The following AP3B2 variants were observed in gnomAD, a reference collection of about 807,000 sequenced individuals.
The protein encoded by AP3B2 is adaptor related protein complex 3 subunit beta 2.
A neutral mutation model predicts 126.9 loss-of-function variants in AP3B2; 50 were observed. The observed-to-expected ratio is 0.39, with a 90% CI of 0.31 to 0.50. The LOEUF (loss-of-function observed/expected upper bound fraction) is 0.50. AP3B2 is among the 20% of genes least tolerant of loss of function. AP3B2 has a pLI of 0.79. For missense variants in AP3B2, 1,177 were observed against 1,426.4 expected (o/e 0.83, Z 2.82); for synonymous variants, 541 against 565.0 (o/e 0.96, Z 0.60).
intron 1 of AP3B2, among the ~76,000 whole-genome samples, chr15:82,697,059 C>T (rs1292843666): frequency 1.3e-5 from 2 of 152,174 alleles, no homozygotes; most frequent in African/African-American, 4.8e-5. Context: ...AGGCCGGGCA[C>T]GGTGGCTCAC....
At chr15:82,701,179 C>A (rs2048715233) in intron 1 of AP3B2, among the ~76,000 whole-genome samples, 1 of 152,102 alleles carries the variant, frequency 6.6e-6, no homozygotes, top group Admixed American at 6.5e-5. Context: ...CATTTATACT[C>A]TCCTCTCCTC....
chr15:82,702,139 G>C (rs2048727835), intron 1 of AP3B2, among the ~76,000 whole-genome samples: 1 of 152,056 alleles, frequency 6.6e-6, no homozygotes, highest in African/African-American at 2.4e-5. Flanking sequence ...TCACTTCTGT[G>C]GCTTTAATTA....
chr15:82,670,123 G>GGGGGA (rs1311611420), intron 14 of AP3B2, among the ~76,000 whole-genome samples: 1 of 130,236 alleles, frequency 7.7e-6, no homozygotes, highest in Non-Finnish European at 1.7e-5. Context: ...GGCGGGGGGG[G>GGGGGA]ACGAAGATGA....
chr15:82,687,303 T>C (rs1050118875), intron 4 of AP3B2: 3 of 152,220 alleles, frequency 2.0e-5, no homozygotes, highest in African/African-American at 7.2e-5. Flanking sequence ...AAGGGCAAAA[T>C]TGAGTAGTTG....
At chr15:82,671,976 G>A (rs1251635122) in intron 14 of AP3B2, among the ~76,000 whole-genome samples, 4 of 149,926 alleles carry the variant, frequency 2.7e-5, no homozygotes, top group African/African-American at 7.4e-5. Context: ...CCTGGGAGGC[G>A]GAGGTTGCAG....
chr15:82,685,051 A>T (rs1439049021), intron 4 of AP3B2: 1 of 152,232 alleles, frequency 6.6e-6, no homozygotes, highest in Non-Finnish European at 1.5e-5. Flanking sequence ...AAGAGGCCCA[A>T]GGTGAAGGAG....
intron 1 of AP3B2, among the ~76,000 whole-genome samples, chr15:82,695,516 A>T (rs1176856239): frequency 2.0e-5 from 3 of 152,140 alleles, no homozygotes; most frequent in African/African-American, 7.2e-5. Flanking sequence ...ATAAAAACCC[A>T]AGAGGATAGG....
intron 14 of AP3B2, among the ~76,000 whole-genome samples, chr15:82,669,709 T>C (rs1324135630): frequency 1.4e-5 from 2 of 144,256 alleles, no homozygotes; most frequent in Non-Finnish European, 3.0e-5. Flanking sequence ...AAAAAATCAG[T>C]AGCATTGTCC....
intron 21 of AP3B2, 67 bp from the exon 22 acceptor site, chr15:82,663,300 G>T (rs116844531): frequency 7.8e-7 from 1 of 1,278,518 alleles, no homozygotes; most frequent in South Asian, 1.2e-5. Context: ...GGGAGCCTAG[G>T]GATCAAGGAG....
At position 82,709,626 on chromosome 15, in the gene AP3B2, C is replaced by G; in HGVS notation, c.81G>C (p.Ala27=). The change falls in exon 1 of 27, where the codon GCG becomes GCC. Residue 27 remains alanine (A), a synonymous_variant. Transcript: ENST00000535359. ...PGEPEYGHDP[A]SGGIFSSDYK... is the part of the protein sequence containing the mutation. ...AGTCGGAGGAGAAGATGCCGCCGCT[C>G]GCGGGGTCGTGGCCGTACTCGGGCT... is the stretch of plus-strand genomic sequence containing the variant. 6.6e-7 allele frequency: 1 copy of G among 1,516,170 alleles called. No individual in the cohort carries two copies. Among genetic ancestry groups the G allele is most frequent in the Non-Finnish European group, 8.8e-7 (1 of 1,134,496 alleles). 93.9% of individuals were successfully genotyped at this position (1,516,170 alleles called of 1,614,324 possible). A position where few individuals can be genotyped will look rare whatever the true frequency, so the allele number is the denominator to read the frequency against.
At chr15:82,685,749 T>A (rs182220788) in intron 4 of AP3B2, 10 of 152,340 alleles carry the variant, frequency 6.6e-5, no homozygotes, top group East Asian at 1.9e-4. Context: ...TTCAGTGATA[T>A]GTTTGTGGAA....
chr15:82,699,500 C>T (rs1430591852), intron 1 of AP3B2: 8 of 398,288 alleles, frequency 2.0e-5, no homozygotes, highest in Non-Finnish European at 8.8e-6. Context: ...CTCCGCCCAG[C>T]CTGGACCCTA....
chr15:82,662,479 G>C, intron 23 of AP3B2: 1 of 655,148 alleles, frequency 1.5e-6, no homozygotes, highest in Non-Finnish European at 2.6e-6. Flanking sequence ...AAACAACCAA[G>C]GCCCAAATCT....
At position 82,680,392 on chromosome 15, in the gene AP3B2, G is replaced by T; in HGVS notation, c.1055+80C>A. On this transcript the variant is annotated intron_variant, in intron 8 of 26. Transcript: ENST00000535359. This position sits in a 1 kb window ranked among gnomAD's most constrained non-coding sequence, Gnocchi z 6.1. Reference sequence around the variant, plus strand: ...TGGGCAGAGGTGGAAGCGGCTGGTGGGCGTGAGGGGGCGGAGCCGGGCAGC... The same window carrying T: ...TGGGCAGAGGTGGAAGCGGCTGGTGTGCGTGAGGGGGCGGAGCCGGGCAGC... 6.9e-7 allele frequency: 1 copy of T among 1,447,678 alleles called. No homozygotes were observed. Among genetic ancestry groups the T allele is most frequent in the Non-Finnish European group, 9.1e-7 (1 of 1,094,306 alleles). 89.7% of individuals were successfully genotyped at this position (1,447,678 alleles called of 1,614,324 possible).
At chr15:82,668,134 C>T (rs1232759438) in intron 14 of AP3B2, among the ~76,000 whole-genome samples, 1 of 152,198 alleles carries the variant, frequency 6.6e-6, no homozygotes, top group African/African-American at 2.4e-5. Flanking sequence ...AGATGCTGAC[C>T]CAGAGTCTGA....
chr15:82,665,672 C>T lies in AP3B2; in HGVS notation c.1853-97G>A. 1 of 909,150 alleles carries T rather than the reference C, an allele frequency of 1.1e-6. No homozygotes were observed. Among genetic ancestry groups the T allele is most frequent in the Non-Finnish European group, 1.8e-6 (1 of 565,902 alleles). 56.3% of individuals were successfully genotyped at this position (909,150 alleles called of 1,614,324 possible). On this transcript the variant is annotated intron_variant, in intron 15 of 26. Transcript: ENST00000535359. The surrounding 1 kb of genome is among the most constrained non-coding windows in gnomAD (Gnocchi z 4.4). Reference sequence around the variant, plus strand: ...GGCTGGGTGGTGATTCTGGTTGGGACTTCCCAGGTGGGTAGGGGAAGGAGA... The same window carrying T: ...GGCTGGGTGGTGATTCTGGTTGGGATTTCCCAGGTGGGTAGGGGAAGGAGA...
chr15:82,682,375 T>C (rs117291358), intron 4 of AP3B2, among the ~76,000 whole-genome samples: 2,518 of 152,222 alleles, frequency 0.017, 34 homozygotes, highest in Non-Finnish European at 0.028. Context: ...TCTTTATTCC[T>C]ACTGCATCCT....
intron 24 of AP3B2, 98 bp from the exon 25 acceptor site, chr15:82,662,020 G>A: frequency 7.4e-7 from 1 of 1,349,746 alleles, no homozygotes; most frequent in Non-Finnish European, 1.0e-6. Flanking sequence ...CAGTGAAAGA[G>A]TGAGGTCAGG....
At chr15:82,662,672 C>T in intron 23 of AP3B2, 22 bp downstream of exon 23, 1 of 1,592,362 alleles carries the variant, frequency 6.3e-7, no homozygotes, top group South Asian at 1.1e-5. Context: ...TCCTCCTCCA[C>T]CCCATCCAAA....
Sources: allele counts gnomAD v4.1 joint callset (sites outside exome capture counted in the v4.1 genomes callset), GRCh38; gene constraint gnomAD v4.1.1; non-coding constraint Gnocchi (gnomAD v3.1); transcripts MANE v1.5; gene names NCBI Gene and HGNC (gene_info 2026-07-23, HGNC 2026-07-21).